MCPH1: variants seen among roughly 807,000 people sequenced by gnomAD.
MCPH1 encodes microcephalin.
In MCPH1, 104 loss-of-function variants were observed where a neutral mutation model predicts 84.5. The observed-to-expected ratio is 1.23, with a 90% confidence interval of 1.05 to 1.45. The LOEUF is 1.45. Ranked by LOEUF, MCPH1 falls within the 40% of genes most tolerant of loss-of-function variation. The pLI, the probability that MCPH1 is intolerant of heterozygous loss-of-function variation, is 0.00. For synonymous variants in MCPH1, 514 were observed against 366.8 expected (o/e 1.40, Z -4.58); for missense variants, 1,498 against 1,005.7 (o/e 1.49, Z -6.62).
At chr8:6,412,956 A>G (rs907584498) in intron 2 of MCPH1, among the ~76,000 whole-genome samples, 4 of 152,230 alleles carry the variant, frequency 2.6e-5, no homozygotes, top group African/African-American at 9.6e-5. Flanking sequence ...CCATTTTTCA[A>G]AGACAGCTAC....
At chr8:6,464,001 A>G (rs1224265423) in intron 9 of MCPH1, among the ~76,000 whole-genome samples, 1 of 152,206 alleles carries the variant, frequency 6.6e-6, no homozygotes, top group East Asian at 1.9e-4. Context: ...TTTCTTGAAA[A>G]TGCAGCACGG....
At chr8:6,609,820 C>CA (rs780623659) in intron 12 of MCPH1, among the ~76,000 whole-genome samples, 5 of 22,146 alleles carry the variant, frequency 2.3e-4, no homozygotes, top group Non-Finnish European at 4.8e-4. Flanking sequence ...ATGCCCCCCG[C>CA]CCCCCCCCCA....
intron 12 of MCPH1, among the ~76,000 whole-genome samples, chr8:6,548,034 C>T (rs1822925392): frequency 6.6e-6 from 1 of 152,080 alleles, no homozygotes; most frequent in African/African-American, 2.4e-5. Flanking sequence ...TTTAAGTGGT[C>T]CAAGTGCCAG....
chr8:6,410,795 G>A (rs1798432964), intron 2 of MCPH1, among the ~76,000 whole-genome samples: 1 of 152,126 alleles, frequency 6.6e-6, no homozygotes, highest in African/African-American at 2.4e-5. Context: ...TACATGATCT[G>A]CACAAGCATA....
At chr8:6,557,016 G>A (rs1168107979) in intron 12 of MCPH1, among the ~76,000 whole-genome samples, 3 of 151,914 alleles carry the variant, frequency 2.0e-5, no homozygotes, top group Non-Finnish European at 4.4e-5. Flanking sequence ...GCCCCAAACT[G>A]GAAACCCCAC....
intron 11 of MCPH1, among the ~76,000 whole-genome samples, chr8:6,492,136 C>G (rs1257753232): frequency 2.6e-5 from 4 of 152,204 alleles, no homozygotes; most frequent in African/African-American, 9.7e-5. Flanking sequence ...TCTCCAGCAC[C>G]TGTTGTTTCC....
chr8:6,466,338 C>A (rs1418825750), intron 9 of MCPH1, among the ~76,000 whole-genome samples: 1 of 149,054 alleles, frequency 6.7e-6, no homozygotes, highest in Non-Finnish European at 1.5e-5. Flanking sequence ...CTTGGAGTCT[C>A]GCTCTGTTGC....
chr8:6,593,804 C>T (rs1051894331), intron 12 of MCPH1, among the ~76,000 whole-genome samples: 2 of 152,244 alleles, frequency 1.3e-5, no homozygotes. Context: ...CAAGAAAAGA[C>T]AGCCTCTTCC....
chr8:6,572,008 A>C (rs886245494), intron 12 of MCPH1, among the ~76,000 whole-genome samples: 6 of 152,164 alleles, frequency 3.9e-5, no homozygotes, highest in Admixed American at 6.5e-5. Context: ...CGCTATTTCA[A>C]GCATTTTCTT....
chr8:6,430,318 A>T (rs1005577330), intron 3 of MCPH1, among the ~76,000 whole-genome samples: 1 of 152,176 alleles, frequency 6.6e-6, no homozygotes, highest in South Asian at 2.1e-4. Flanking sequence ...CATTCAGTGT[A>T]TTGGGGTGGC....
intron 12 of MCPH1, chr8:6,527,527 A>G (rs776281741): frequency 6.2e-7 from 1 of 1,608,474 alleles, no homozygotes. Flanking sequence ...GCAGTCCTGA[A>G]TTATAAATGT....
At chr8:6,471,933 C>G (rs1234641004) in intron 9 of MCPH1, among the ~76,000 whole-genome samples, 3 of 152,300 alleles carry the variant, frequency 2.0e-5, no homozygotes, top group South Asian at 2.1e-4. Flanking sequence ...GGCTATGGTT[C>G]TCGTATTACT....
chr8:6,567,622 C>T (rs1293343287), intron 12 of MCPH1, among the ~76,000 whole-genome samples: 1 of 152,162 alleles, frequency 6.6e-6, no homozygotes, highest in Non-Finnish European at 1.5e-5. Flanking sequence ...CATGGTCTGC[C>T]AGGCCACTGA....
intron 13 of MCPH1, chr8:6,625,806 A>G (rs1832016559): frequency 1.0e-6 from 1 of 984,904 alleles, no homozygotes; most frequent in African/African-American, 1.7e-5. Context: ...AAAAAGAATC[A>G]TTTTTCAGTG....
intron 3 of MCPH1, among the ~76,000 whole-genome samples, chr8:6,420,634 T>C (rs958554894): frequency 1.3e-5 from 2 of 152,150 alleles, no homozygotes; most frequent in Non-Finnish European, 2.9e-5. Context: ...GATTTTTATC[T>C]CAAAATCGAT....
chr8:6,636,633 G>A (rs1255258419), intron 13 of MCPH1, among the ~76,000 whole-genome samples: 17 of 152,080 alleles, frequency 1.1e-4, no homozygotes, highest in Non-Finnish European at 4.4e-5. Flanking sequence ...TCATGCTGTC[G>A]CACCTGGCAA....
chr8:6,647,883 G>A lies in MCPH1; in HGVS notation c.*4834G>A, dbSNP rs999333328. On this transcript the variant is annotated 3_prime_UTR_variant, in exon 14 of 14. Coordinates refer to ENST00000344683, the MANE Select transcript of MCPH1 (RefSeq NM_024596.5). ...TGAACAGAACACTTTTAATGGGTAA[G>A]CCTTAAGGCATGTGAATTATACACC... The A allele has an allele frequency of 2.0e-5, 3 of 152,128 alleles. No homozygotes were observed. The highest frequency in any genetic ancestry group is 4.4e-5 in the Non-Finnish European group (3 of 68,038). The allele number at this position is 152,128 out of a possible 1,614,324, so 9.4% of individuals were successfully genotyped here.
chr8:6,524,671 C>A (rs942150068), intron 12 of MCPH1, among the ~76,000 whole-genome samples: 1 of 152,152 alleles, frequency 6.6e-6, no homozygotes, highest in African/African-American at 2.4e-5. Context: ...TAGTCTTAAG[C>A]CTGCGGAAAT....
At chr8:6,451,767 A>C (rs1805117318) in intron 8 of MCPH1, among the ~76,000 whole-genome samples, 1 of 152,228 alleles carries the variant, frequency 6.6e-6, no homozygotes, top group Admixed American at 6.5e-5. Flanking sequence ...ATTGTAAAAT[A>C]ATTTCATATT....
Sources: gnomAD v4.1 joint callset for allele counts (sites outside exome capture counted in the v4.1 genomes callset) on GRCh38, gnomAD v4.1.1 for gene constraint, MANE v1.5 for transcripts, NCBI Gene and HGNC (gene_info 2026-07-23, HGNC 2026-07-21) for gene names.